The following PARD3 variants were observed in gnomAD, a reference collection of about 807,000 sequenced individuals.
PARD3 encodes par-3 family cell polarity regulator.
Under a neutral mutation model 155.4 loss-of-function variants are expected in PARD3, and 75 were observed. The ratio of observed to expected loss-of-function variants is 0.48; its 90% confidence interval spans 0.40 to 0.58. PARD3 has a LOEUF of 0.58. Ranked by LOEUF, PARD3 falls within the 20% of genes least tolerant of loss-of-function variation. The probability of loss-of-function intolerance (pLI) is 0.00; values close to 1 mark genes in which losing one functional copy is unlikely to be tolerated. For synonymous variants in PARD3, 576 were observed against 610.5 expected (o/e 0.94, Z 0.83); for missense variants, 1,642 against 1,721.7 (o/e 0.95, Z 0.82).
intron 1 of PARD3, among the ~76,000 whole-genome samples, chr10:34,708,933 G>C (rs1383201034): frequency 6.6e-6 from 1 of 152,082 alleles, no homozygotes; most frequent in Non-Finnish European, 1.5e-5. Context: ...GATATTTAAG[G>C]AAACACCCTT....
chr10:34,488,120 T>C (rs2079597567), intron 3 of PARD3, among the ~76,000 whole-genome samples: 1 of 152,152 alleles, frequency 6.6e-6, no homozygotes, highest in African/African-American at 2.4e-5. Context: ...CCTCAGGATG[T>C]GCGTTTGAAG....
intron 2 of PARD3, among the ~76,000 whole-genome samples, chr10:34,550,103 T>C (rs1297071504): frequency 5.9e-5 from 9 of 152,186 alleles, no homozygotes; most frequent in Admixed American, 3.9e-4. Context: ...CACTGGTTGA[T>C]TCTTTCACAA....
intron 22 of PARD3, among the ~76,000 whole-genome samples, chr10:34,191,972 T>A (rs1432918546): frequency 6.6e-6 from 1 of 152,108 alleles, no homozygotes; most frequent in Non-Finnish European, 1.5e-5. Flanking sequence ...ATTGGAGGAA[T>A]ATGCCATCTG....
chr10:34,695,477 CA>C (rs60331770), intron 2 of PARD3, among the ~76,000 whole-genome samples: 1,772 of 109,492 alleles, frequency 0.016, 47 homozygotes, highest in African/African-American at 0.056. Flanking sequence ...GACTCCATCT[CA>C]AAAAAAAAAA....
At position 34,746,033 on chromosome 10, in the gene PARD3, C is replaced by G. The variant is rs561732279; in HGVS notation, c.121-49614G>C. 5.3e-5 allele frequency among the ~76,000 whole-genome samples: 8 copies of G among 152,026 alleles called. No individual in the cohort carries two copies. The East Asian group carries it at 1.6e-3, about 29-fold the overall frequency. ...AGGAGAATGGCGTGAATCCAGGAGG[C>G]GGAGCCTGCAGTGAGCCTAGATCGC... is the stretch of plus-strand genomic sequence containing the variant. On this transcript the variant is annotated intron_variant, in intron 1 of 24. Transcript: ENST00000374788.
chr10:34,401,517 A>T (rs1843880636), intron 6 of PARD3, among the ~76,000 whole-genome samples: 1 of 152,192 alleles, frequency 6.6e-6, no homozygotes, highest in Admixed American at 6.6e-5. Context: ...ATCTGAAAAG[A>T]GTTACGGTGT....
intron 1 of PARD3, among the ~76,000 whole-genome samples, chr10:34,809,705 C>A (rs557836206): frequency 1.3e-5 from 2 of 152,106 alleles, no homozygotes; most frequent in African/African-American, 4.8e-5. Flanking sequence ...TTGGAGAACG[C>A]GGGACAAAGG....
chr10:34,738,065 T>A (rs1265509342), intron 1 of PARD3, among the ~76,000 whole-genome samples: 1 of 152,166 alleles, frequency 6.6e-6, no homozygotes, highest in East Asian at 1.9e-4. Context: ...CTACAGGCAA[T>A]ACCCTCGAAT....
chr10:34,803,070 G>GAAAAAA (rs34342941), intron 1 of PARD3, among the ~76,000 whole-genome samples: 1 of 102,622 alleles, frequency 9.7e-6, no homozygotes, highest in Non-Finnish European at 2.0e-5. Context: ...TACTAAAAAT[G>GAAAAAA]AAAAAAAAAA....
intron 3 of PARD3, among the ~76,000 whole-genome samples, chr10:34,471,650 G>A (rs1292324494): frequency 6.6e-6 from 1 of 152,148 alleles, no homozygotes; most frequent in African/African-American, 2.4e-5. Context: ...CGCCTCCTGG[G>A]TTCAAGTGAT....
chr10:34,740,510 A>G (rs556053541), intron 1 of PARD3, among the ~76,000 whole-genome samples: 2 of 152,238 alleles, frequency 1.3e-5, no homozygotes, highest in South Asian at 4.2e-4. Flanking sequence ...GTTTTCTATC[A>G]TCAGTGAGTG....
At chr10:34,210,440 G>A (rs1951689985) in intron 22 of PARD3, among the ~76,000 whole-genome samples, 1 of 152,134 alleles carries the variant, frequency 6.6e-6, no homozygotes, top group Admixed American at 6.5e-5. Flanking sequence ...GTGGCGATGG[G>A]GAGTATTTCT....
Position 34,469,030 on chromosome 10 carries a change from A to G in PARD3, c.582+1055T>C, listed in dbSNP as rs548963627. On this transcript the variant is annotated intron_variant, in intron 4 of 24. Coordinates refer to ENST00000374788, the MANE Select transcript of PARD3 (RefSeq NM_001184785.2). The stretch of plus-strand genomic sequence containing the variant: ...ATCTACAGATTCAAAAGTGAAAATG[A>G]CAGATTCAGCAAAAAGCACATTAAA... 1.5e-3 allele frequency among the ~76,000 whole-genome samples: 224 copies of G among 152,328 alleles called. 3 individuals are homozygous for G. The highest frequency in any genetic ancestry group is 2.7e-3 in the South Asian group (13 of 4,822).
At chr10:34,593,211 T>C (rs778405372) in intron 2 of PARD3, among the ~76,000 whole-genome samples, 11 of 152,162 alleles carry the variant, frequency 7.2e-5, no homozygotes, top group Non-Finnish European at 1.2e-4. Context: ...CAGAGGCACA[T>C]AGTGTAAGTA....
chr10:34,686,722 C>T (rs996965063), intron 2 of PARD3, among the ~76,000 whole-genome samples: 1 of 150,932 alleles, frequency 6.6e-6, no homozygotes, highest in African/African-American at 2.4e-5. Context: ...GCCTGGGAAA[C>T]AAGAGCAAAA....
intron 3 of PARD3, among the ~76,000 whole-genome samples, chr10:34,507,488 G>C (rs2081142968): frequency 6.8e-6 from 1 of 146,126 alleles, no homozygotes; most frequent in Admixed American, 7.0e-5. Context: ...CTCTCTGCCT[G>C]TGCCTGATTT....
chr10:34,154,315 C>T lies in PARD3; in HGVS notation c.3420-22732G>A, dbSNP rs114107005. Reference sequence around the variant, plus strand: ...TAAAACAATAATACTACTAATAATACGTGTTGGGCAAATACAAGTGAGACC... The same window carrying T: ...TAAAACAATAATACTACTAATAATATGTGTTGGGCAAATACAAGTGAGACC... On this transcript the variant is annotated intron_variant, in intron 22 of 24. Coordinates refer to ENST00000374788, the MANE Select transcript of PARD3 (RefSeq NM_001184785.2). Among the ~76,000 whole-genome samples, 746 of 152,216 alleles carry T rather than the reference C, an allele frequency of 4.9e-3. 6 individuals are homozygous for T. The highest frequency in any genetic ancestry group is 0.017 in the African/African-American group (707 of 41,528).
chr10:34,585,666 C>T lies in PARD3; in HGVS notation c.223-68507G>A, dbSNP rs1402390758. Among the ~76,000 whole-genome samples the T allele has an allele frequency of 2.0e-5, 3 of 151,822 alleles. No individual in the cohort carries two copies. The East Asian group carries it at 5.8e-4, about 29-fold the overall frequency. ...GTTACTTAGCATACCTACTTCCTAT[C>T]ATTCAAATCACTCTGTCTGCACTGC... is the stretch of plus-strand genomic sequence containing the variant. On this transcript the variant is annotated intron_variant, in intron 2 of 24. Coordinates refer to ENST00000374788, the MANE Select transcript of PARD3 (RefSeq NM_001184785.2).
chr10:34,602,079 AAAG>A (rs1307292222), intron 2 of PARD3, among the ~76,000 whole-genome samples: 1 of 152,252 alleles, frequency 6.6e-6, no homozygotes, highest in Non-Finnish European at 1.5e-5. Flanking sequence ...TATAAGCAAC[AAAG>A]ATATTGACAA....
Sources: gnomAD v4.1 joint callset for allele counts (sites outside exome capture counted in the v4.1 genomes callset) on GRCh38, gnomAD v4.1.1 for gene constraint, MANE v1.5 for transcripts, NCBI Gene and HGNC (gene_info 2026-07-23, HGNC 2026-07-21) for gene names.